PCDHA3: variants seen among roughly 807,000 people sequenced by gnomAD.
PCDHA3 encodes the protein protocadherin alpha-3.
Under a neutral mutation model 62.2 loss-of-function variants are expected in PCDHA3, and 41 were observed. That is an observed-to-expected ratio of 0.66 (90% confidence interval 0.51 to 0.86). The LOEUF is 0.86. Ranked by LOEUF, PCDHA3 falls within the 40% of genes least tolerant of loss-of-function variation. The pLI is 0.00. For missense variants in PCDHA3, 1,304 were observed against 1,241.2 expected, an observed-to-expected ratio of 1.05 and a Z score of -0.76; for synonymous variants, 640 against 555.4, an observed-to-expected ratio of 1.15 and a Z score of -2.14.
chr5:140,952,658 C>T (rs2094779074), intron 1 of PCDHA3, among the ~76,000 whole-genome samples: 1 of 152,196 alleles, frequency 6.6e-6, no homozygotes. Flanking sequence ...TACCCAGTTC[C>T]AAAGTCACTT....
rs1380751702 is a variant in PCDHA3 at position 140,855,145 on chromosome 5, A to C, written c.2394+51554A>C. On this transcript the variant is annotated intron_variant, in intron 1 of 3. Transcript: ENST00000522353. Reference sequence around the variant, plus strand: ...AGGTAATAATTTTGCCTGATGAGCCAAATTTGGTATTGAGCCTCATGAAAA... The same window carrying C: ...AGGTAATAATTTTGCCTGATGAGCCCAATTTGGTATTGAGCCTCATGAAAA... Among the ~76,000 whole-genome samples, 3 of 149,972 alleles carry C rather than the reference A, an allele frequency of 2.0e-5. 1 individual carries two copies. The East Asian group carries it at 5.8e-4, about 29-fold the overall frequency.
At chr5:140,975,491 C>T (rs2153807371) in intron 1 of PCDHA3, among the ~76,000 whole-genome samples, 1 of 152,274 alleles carries the variant, frequency 6.6e-6, no homozygotes, top group Middle Eastern at 3.4e-3. Flanking sequence ...TATCAATGTT[C>T]ATAAAATAGC....
intron 1 of PCDHA3, among the ~76,000 whole-genome samples, chr5:140,838,085 T>TA (rs1554136878): frequency 2.0e-4 from 13 of 64,188 alleles, no homozygotes; most frequent in African/African-American, 3.3e-4. Context: ...ATAGTGTGTG[T>TA]GTGTGTGTGT....
In PCDHA3 at chr5:140,829,518, C is replaced by A. The variant is rs2150169254; in HGVS notation, c.2394+25927C>A. On this transcript the variant is annotated intron_variant, in intron 1 of 3. Coordinates refer to ENST00000522353, the MANE Select transcript of PCDHA3 (RefSeq NM_018906.3). ...AACCCGCCGGGCTGCCACATCTTCA[C>A]GGTGTCTGCGCGAGACGCGGACGCG... 5.0e-6 allele frequency: 8 copies of A among 1,613,400 alleles called. No individual in the cohort carries two copies. The Admixed American group carries it at 1.0e-4, about 20-fold the overall frequency.
At chr5:140,856,497 G>GA (rs781946866) in intron 1 of PCDHA3, 1 of 1,598,346 alleles carries the variant, frequency 6.3e-7, no homozygotes, top group Admixed American at 1.7e-5. Flanking sequence ...CTTGACTCTC[G>GA]ATTTCCACTA....
intron 3 of PCDHA3, among the ~76,000 whole-genome samples, chr5:140,999,234 G>T (rs1327126129): frequency 1.3e-5 from 2 of 152,232 alleles, no homozygotes; most frequent in African/African-American, 4.8e-5. Context: ...AGAATAGGTG[G>T]TTAAAGTGGG....
intron 1 of PCDHA3, among the ~76,000 whole-genome samples, chr5:140,905,788 G>T (rs1217429620): frequency 2.6e-5 from 4 of 152,046 alleles, no homozygotes; most frequent in Non-Finnish European, 4.4e-5. Flanking sequence ...ATTAGTCAGG[G>T]TTCTCTAGAG....
intron 1 of PCDHA3, chr5:140,809,039 G>A (rs782455641): frequency 1.2e-6 from 2 of 1,613,862 alleles, no homozygotes; most frequent in Non-Finnish European, 1.7e-6. Flanking sequence ...GACTGGTGGC[G>A]CGCGCATCCC....
intron 3 of PCDHA3, among the ~76,000 whole-genome samples, chr5:140,995,268 C>G (rs2097673323): frequency 6.6e-6 from 1 of 152,110 alleles, no homozygotes; most frequent in Non-Finnish European, 1.5e-5. Flanking sequence ...AATACAAGCC[C>G]TTTGATACCA....
chr5:140,842,210 C>G (rs782194934), intron 1 of PCDHA3: 1 of 1,613,418 alleles, frequency 6.2e-7, no homozygotes. Flanking sequence ...TAGCATAGAT[C>G]GAAATACGGG....
chr5:140,828,280 G>T, intron 1 of PCDHA3: 2 of 1,614,102 alleles, frequency 1.2e-6, no homozygotes, highest in Non-Finnish European at 1.7e-6. Context: ...TGCCGCGCCT[G>T]TTCAGGATGG....
At chr5:140,821,716 A>T in intron 1 of PCDHA3, 2 of 1,489,172 alleles carry the variant, frequency 1.3e-6, no homozygotes, top group Non-Finnish European at 1.8e-6. Context: ...TGGGAATTGA[A>T]TTTACAAAAT....
rs1554122720 is a variant in PCDHA3, at chr5:140,803,327, G to A, written c.2130G>A (p.Leu710=). ...LIVAICAVSS[L]LVLTLLLYTA... ...TCGCCATCTGCGCGGTGTCCAGTCTGTTGGTGCTCACACTGCTGCTATATA... is the reference window on the plus strand; with the variant it reads ...TCGCCATCTGCGCGGTGTCCAGTCTATTGGTGCTCACACTGCTGCTATATA... The change falls in exon 1 of 4, where the codon CTG becomes CTA. Residue 710 remains leucine (L), a synonymous_variant. Coordinates refer to ENST00000522353, the MANE Select transcript of PCDHA3 (RefSeq NM_018906.3). The A allele has an allele frequency of 6.2e-7, 1 of 1,614,186 alleles. No homozygotes were observed. Among genetic ancestry groups the A allele is most frequent in the Non-Finnish European group, 8.5e-7 (1 of 1,180,010 alleles).
chr5:140,856,465 C>G (rs2044013823), intron 1 of PCDHA3: 1 of 1,598,234 alleles, frequency 6.3e-7, no homozygotes, highest in Non-Finnish European at 8.6e-7. Flanking sequence ...AACAAAAGCT[C>G]TCAATACCTG....
At chr5:140,983,542 C>A (rs1554245538) in intron 3 of PCDHA3, among the ~76,000 whole-genome samples, 1 of 152,152 alleles carries the variant, frequency 6.6e-6, no homozygotes, top group African/African-American at 2.4e-5. Flanking sequence ...TGTGTGGTCT[C>A]ATTTATTCCT....
At chr5:140,834,878 C>G in intron 1 of PCDHA3, 1 of 1,607,956 alleles carries the variant, frequency 6.2e-7, no homozygotes, top group Non-Finnish European at 8.5e-7. Context: ...TCGGGGAGAA[C>G]GCCCTGCTCA....
intron 1 of PCDHA3, among the ~76,000 whole-genome samples, chr5:140,915,919 AC>A (rs1449299766): frequency 6.6e-6 from 1 of 152,102 alleles, no homozygotes; most frequent in Non-Finnish European, 1.5e-5. Flanking sequence ...CAGAGATGCT[AC>A]TTGGGAGTCA....
At chr5:140,993,523 C>CAG (rs111789518) in intron 3 of PCDHA3, among the ~76,000 whole-genome samples, 24 of 145,748 alleles carry the variant, frequency 1.6e-4, no homozygotes, top group African/African-American at 5.0e-4. Flanking sequence ...GAGAGAGAGA[C>CAG]AGAGAGAGAG....
intron 1 of PCDHA3, chr5:140,875,367 T>G: frequency 6.9e-7 from 1 of 1,449,166 alleles, no homozygotes; most frequent in Non-Finnish European, 9.1e-7. Flanking sequence ...CTGGAAAAAA[T>G]TTACTAAATA....
Sources: allele counts gnomAD v4.1 joint callset (sites outside exome capture counted in the v4.1 genomes callset), GRCh38; gene constraint gnomAD v4.1.1; transcripts MANE v1.5; gene names NCBI Gene and HGNC (gene_info 2026-07-23, HGNC 2026-07-21).